Variants in RASA3 observed in about 807,000 individuals in gnomAD.
The protein encoded by RASA3 is RAS p21 protein activator 3, also known as ras GTPase-activating protein 3.
In RASA3, 73 loss-of-function variants were observed where a neutral mutation model predicts 110.0. The observed-to-expected ratio is 0.66, with a 90% CI of 0.55 to 0.81. The LOEUF is 0.81. RASA3 is among the 30% of genes least tolerant of loss of function. The pLI, the probability that RASA3 is intolerant of heterozygous loss-of-function variation, is 0.00. For synonymous variants in RASA3, 500 were observed against 451.4 expected (o/e 1.11, Z -1.37); for missense variants, 976 against 1,113.2 (o/e 0.88, Z 1.75).
chr13:114,130,211 C>T lies in RASA3; in HGVS notation c.55+2224G>A, dbSNP rs1414716450. Among the ~76,000 whole-genome samples, 5 of 152,208 alleles carry T rather than the reference C, an allele frequency of 3.3e-5. No individual in the cohort carries two copies. In the East Asian group the frequency reaches 9.6e-4, roughly 29 times the overall value. ...CTCAAATGCAGGAGGTGCCCTGTCT[C>T]CCCAGCTACTTGGGGCACAGATACC... is the stretch of plus-strand genomic sequence containing the variant. On this transcript the variant is annotated intron_variant, in intron 1 of 23. Coordinates refer to ENST00000334062, the MANE Select transcript of RASA3 (RefSeq NM_007368.4).
chr13:114,080,212 T>G (rs897276884), intron 1 of RASA3, among the ~76,000 whole-genome samples: 2 of 151,936 alleles, frequency 1.3e-5, no homozygotes, highest in Non-Finnish European at 2.9e-5. Context: ...AGGACTCCTG[T>G]GGGTTATGAA....
chr13:114,093,268 C>T (rs1219722831), intron 1 of RASA3, among the ~76,000 whole-genome samples: 1 of 152,202 alleles, frequency 6.6e-6, no homozygotes, highest in South Asian at 2.1e-4. Flanking sequence ...TGAGTCTCCT[C>T]AGCTTTTGTT....
At chr13:114,028,830 C>T (rs1449506777) in intron 5 of RASA3, among the ~76,000 whole-genome samples, 1 of 52,726 alleles carries the variant, frequency 1.9e-5, no homozygotes, top group African/African-American at 1.6e-4. Context: ...TCTAAAACGG[C>T]ATCATCCTGG....
chr13:114,051,228 C>T (rs1396314716), intron 3 of RASA3, among the ~76,000 whole-genome samples: 2 of 152,228 alleles, frequency 1.3e-5, no homozygotes, highest in African/African-American at 4.8e-5. Context: ...CCTGCACCAC[C>T]TGGGGTCTGG....
At position 114,018,923 on chromosome 13, in the gene RASA3, G is replaced by A; in HGVS notation, c.786-4C>T. 1 of 1,613,514 alleles carries A rather than the reference G, an allele frequency of 6.2e-7. No homozygotes were observed. Among genetic ancestry groups the A allele is most frequent in the Non-Finnish European group, 8.5e-7 (1 of 1,179,968 alleles). On this transcript the variant is annotated splice_region_variant and splice_polypyrimidine_tract_variant and intron_variant, in intron 9 of 23. Transcript: ENST00000334062. The stretch of plus-strand genomic sequence containing the variant: ...GTCCCGGGGCTGGAGGAAGTACCTG[G>A]GTGGGAGGGACACATGGAGGGGAGG...
rs1315444274 is a variant in RASA3 at position 114,115,904 on chromosome 13, T to TA, written c.55+16530dup. ...TACTTTCTGTCATAACCAGCAGGCT[T>TA]AAAGAAGAAACCCAAACGCTCTGTG... is the stretch of plus-strand genomic sequence containing the variant. On this transcript the variant is annotated intron_variant, in intron 1 of 23. Coordinates refer to ENST00000334062, the MANE Select transcript of RASA3 (RefSeq NM_007368.4). The surrounding 1 kb of genome is among the most constrained non-coding windows in gnomAD (Gnocchi z 5.0). Among the ~76,000 whole-genome samples the TA allele has an allele frequency of 6.6e-6, 1 of 152,204 alleles. No individual in the cohort carries two copies. Among genetic ancestry groups the TA allele is most frequent in the Admixed American group, 6.5e-5 (1 of 15,284 alleles).
At chr13:114,004,779 C>A (rs1001745449) in intron 18 of RASA3, among the ~76,000 whole-genome samples, 3 of 152,170 alleles carry the variant, frequency 2.0e-5, no homozygotes, top group African/African-American at 7.2e-5. Flanking sequence ...CCACACCAGG[C>A]CCCACCCAAA....
chr13:114,052,486 G>A (rs1229644132), intron 2 of RASA3, among the ~76,000 whole-genome samples: 1 of 152,330 alleles, frequency 6.6e-6, no homozygotes, highest in African/African-American at 2.4e-5. Flanking sequence ...CAGGGCCATC[G>A]TGATGTTTCG....
chr13:114,068,198 C>T (rs1028697825), intron 2 of RASA3, among the ~76,000 whole-genome samples: 4 of 152,158 alleles, frequency 2.6e-5, no homozygotes, highest in African/African-American at 7.2e-5. Context: ...CTGCAAAGGA[C>T]GCAGGAGCAA....
At chr13:113,993,170 C>A (rs1334615860) in intron 21 of RASA3, among the ~76,000 whole-genome samples, 3 of 152,150 alleles carry the variant, frequency 2.0e-5, no homozygotes, top group African/African-American at 7.2e-5. Flanking sequence ...GTGCTTGTTT[C>A]CCTGCTCATT....
chr13:114,070,689 G>C (rs550358094), intron 2 of RASA3, among the ~76,000 whole-genome samples: 1 of 147,308 alleles, frequency 6.8e-6, no homozygotes. Flanking sequence ...GGCTGCCGGC[G>C]TCCACGCTAA....
rs959043127 is a variant in RASA3 at position 114,048,557 on chromosome 13, C to T, written c.277+3495G>A. On this transcript the variant is annotated intron_variant, in intron 3 of 23. Transcript: ENST00000334062. This position sits in a 1 kb window ranked among gnomAD's most constrained non-coding sequence, Gnocchi z 4.3. ...GGGCCTCGCGCATTTCCGTGGTTCCCGCATCCCAGCTGCGGGGAGCCATAG... is the reference window on the plus strand; with the variant it reads ...GGGCCTCGCGCATTTCCGTGGTTCCTGCATCCCAGCTGCGGGGAGCCATAG... Among the ~76,000 whole-genome samples the T allele has an allele frequency of 6.6e-6, 1 of 152,184 alleles. No individual in the cohort carries two copies. The highest frequency in any genetic ancestry group is 2.4e-5 in the African/African-American group (1 of 41,440).
intron 22 of RASA3, among the ~76,000 whole-genome samples, chr13:113,989,430 T>TA (rs2053052306): frequency 1.9e-5 from 2 of 105,422 alleles, no homozygotes; most frequent in Non-Finnish European, 3.8e-5. Context: ...TCCACCCATC[T>TA]CTCACCCATC....
chr13:113,982,526 C>G (rs1481316424), intron 22 of RASA3, among the ~76,000 whole-genome samples: 1 of 152,260 alleles, frequency 6.6e-6, no homozygotes, highest in African/African-American at 2.4e-5. Flanking sequence ...GCCATGGAAC[C>G]CTTGAGCCAG....
chr13:114,018,396 C>A, intron 10 of RASA3, 144 bp from the exon 11 acceptor site: 4 of 1,183,264 alleles, frequency 3.4e-6, no homozygotes, highest in Non-Finnish European at 4.6e-6. Flanking sequence ...ACAAAAACAC[C>A]AAACTTCCCA....
Position 114,112,551 on chromosome 13 carries a change from G to A in RASA3, c.55+19884C>T, listed in dbSNP as rs1236475905. On this transcript the variant is annotated intron_variant, in intron 1 of 23. Transcript: ENST00000334062. This position sits in a 1 kb window ranked among gnomAD's most constrained non-coding sequence, Gnocchi z 4.8. ...GCTCTGTAGGGGTGCGGCCTGCCTC[G>A]AGCACTTCACACGCGTGCCCGGGGA... is the stretch of plus-strand genomic sequence containing the variant. 6.6e-6 allele frequency among the ~76,000 whole-genome samples: 1 copy of A among 152,138 alleles called. No individual in the cohort carries two copies. Among genetic ancestry groups the A allele is most frequent in the Admixed American group, 6.5e-5 (1 of 15,282 alleles).
intron 8 of RASA3, among the ~76,000 whole-genome samples, chr13:114,021,752 G>A (rs1405021841): frequency 2.0e-5 from 3 of 152,174 alleles, no homozygotes; most frequent in Non-Finnish European, 2.9e-5. Flanking sequence ...CCATGGGCCC[G>A]GACTCAGACC....
Position 114,016,217 on chromosome 13 carries a change from C to G in RASA3, c.1261G>C (p.Glu421Gln). ...CCTACCATGTTGTTTTCAAGGTTTT[C>G]TCCGTCTTTCAACTTCACAGGGTCG... is the stretch of plus-strand genomic sequence containing the variant. ...EIDPVKLKDG[E>Q]NLENNMENLR... The change falls in exon 13 of 24, where the codon GAA becomes CAA. Residue 421 changes from glutamate (E) to glutamine (Q), a missense_variant. Around this residue, in one of 4 missense-constraint regions of RASA3, gnomAD observed 732 missense variants for 779.7 expected, o/e 0.94. Transcript: ENST00000334062. 6.3e-7 allele frequency: 1 copy of G among 1,598,526 alleles called. No individual in the cohort carries two copies. The highest frequency in any genetic ancestry group is 8.6e-7 in the Non-Finnish European group (1 of 1,165,960).
chr13:114,001,886 T>C (rs2053412644), intron 18 of RASA3, among the ~76,000 whole-genome samples: 1 of 152,238 alleles, frequency 6.6e-6, no homozygotes, highest in Non-Finnish European at 1.5e-5. Flanking sequence ...GGGCCAGCCC[T>C]GCTGTGGTAG....
Sources: allele counts gnomAD v4.1 joint callset (sites outside exome capture counted in the v4.1 genomes callset), GRCh38; gene constraint gnomAD v4.1.1; regional missense constraint gnomAD v4.1.1; non-coding constraint Gnocchi (gnomAD v3.1); transcripts MANE v1.5; gene names NCBI Gene and HGNC (gene_info 2026-07-23, HGNC 2026-07-21).